AATK: variants seen among roughly 807,000 people sequenced by gnomAD.
AATK encodes lemur tail kinase 1.
In AATK, 91 loss-of-function variants were observed where a neutral mutation model predicts 114.3. The observed-to-expected ratio is 0.80, with a 90% CI of 0.67 to 0.95. The LOEUF is 0.95. AATK is among the 40% of genes least tolerant of loss of function. The probability of loss-of-function intolerance (pLI) is 0.00; values close to 1 mark genes in which losing one functional copy is unlikely to be tolerated. For synonymous variants in AATK, 1,075 were observed against 916.5 expected (o/e 1.17, Z -3.12); for missense variants, 2,176 against 1,965.2 (o/e 1.11, Z -2.03).
intron 1 of AATK, among the ~76,000 whole-genome samples, chr17:81,161,916 G>C (rs1436721996): frequency 6.6e-6 from 1 of 152,176 alleles, no homozygotes; most frequent in Non-Finnish European, 1.5e-5. Context: ...GCCAGCTCTG[G>C]GGCACTCGGG....
chr17:81,153,660 G>A (rs140678890), intron 1 of AATK, among the ~76,000 whole-genome samples: 2 of 152,246 alleles, frequency 1.3e-5, no homozygotes, highest in East Asian at 1.9e-4. Flanking sequence ...CCAAATCTGC[G>A]GTCTGTGTAT....
chr17:81,150,679 G>A (rs2061283620), intron 1 of AATK, among the ~76,000 whole-genome samples: 2 of 152,160 alleles, frequency 1.3e-5, no homozygotes, highest in Admixed American at 6.5e-5. Context: ...GCACTGCCAC[G>A]TGGAAAGGTG....
At chr17:81,146,218 G>A (rs1227412185) in intron 1 of AATK, among the ~76,000 whole-genome samples, 1 of 151,022 alleles carries the variant, frequency 6.6e-6, no homozygotes, top group East Asian at 2.0e-4. Context: ...AAAATTAGCT[G>A]GGCGTGGTGA....
intron 1 of AATK, among the ~76,000 whole-genome samples, chr17:81,140,677 A>ATGGGGCCG (rs1391191546): frequency 2.8e-5 from 3 of 107,992 alleles, no homozygotes; most frequent in East Asian, 2.7e-4. Flanking sequence ...CGTGGGGACC[A>ATGGGGCCG]TGGGGCCGTG....
rs537059363 is a variant in AATK, at chr17:81,119,726, G to A, written c.3884-146C>T. On this transcript the variant is annotated intron_variant, in intron 12 of 13. Transcript: ENST00000326724. ...CCATGATGTCACGGGCCCAGGCCCC[G>A]CCTCCCATGCAGCACGGACAAGGCC... 36 of 1,042,272 alleles carry A rather than the reference G, an allele frequency of 3.5e-5. No individual in the cohort carries two copies. The South Asian group carries it at 5.7e-4, about 16-fold the overall frequency. The allele number at this position is 1,042,272 out of a possible 1,614,324, so 64.6% of individuals were successfully genotyped here. A position where few individuals can be genotyped will look rare whatever the true frequency, so the allele number is the denominator to read the frequency against.
At chr17:81,138,124 C>T (rs1261237131) in intron 1 of AATK, among the ~76,000 whole-genome samples, 1 of 150,020 alleles carries the variant, frequency 6.7e-6, no homozygotes, top group Non-Finnish European at 1.5e-5. Flanking sequence ...ACAGACATAC[C>T]CCACACACAC....
intron 1 of AATK, among the ~76,000 whole-genome samples, chr17:81,140,974 G>A (rs1217932076): frequency 2.0e-4 from 29 of 148,292 alleles, no homozygotes; most frequent in East Asian, 8.1e-4. Context: ...CCGTGGGGCC[G>A]TGGGGACTGT....
chr17:81,152,604 C>A (rs1448666890), intron 1 of AATK, among the ~76,000 whole-genome samples: 2 of 152,098 alleles, frequency 1.3e-5, no homozygotes, highest in African/African-American at 4.8e-5. Context: ...CAAACCACAA[C>A]AAAAGTCCTT....
chr17:81,141,411 A>G (rs1036872789), intron 1 of AATK, among the ~76,000 whole-genome samples: 2 of 152,216 alleles, frequency 1.3e-5, no homozygotes, highest in Non-Finnish European at 2.9e-5. Context: ...AGATTGAGCC[A>G]CTGCACTCCA....
intron 1 of AATK, among the ~76,000 whole-genome samples, chr17:81,148,706 A>G (rs374327763): frequency 2.0e-5 from 3 of 152,116 alleles, no homozygotes; most frequent in Non-Finnish European, 4.4e-5. Flanking sequence ...ACGGGCACAC[A>G]CTTGCACACA....
At chr17:81,142,111 A>G (rs1166445275) in intron 1 of AATK, among the ~76,000 whole-genome samples, 1 of 151,882 alleles carries the variant, frequency 6.6e-6, no homozygotes, top group African/African-American at 2.4e-5. Flanking sequence ...ACCTGCCACC[A>G]TCACCCTCGG....
Position 81,119,229 on chromosome 17 carries a change from T to TGGGGCCGGGAGGGAGC in AATK, c.4084+150_4084+151insGCTCCCTCCCGGCCCC. 4.9e-6 allele frequency: 4 copies of TGGGGCCGGGAGGGAGC among 815,678 alleles called. 1 individual carries two copies. The allele number at this position is 815,678 out of a possible 1,614,324, so 50.5% of individuals were successfully genotyped here. On this transcript the variant is annotated intron_variant, in intron 13 of 13. Coordinates refer to ENST00000326724, the MANE Select transcript of AATK (RefSeq NM_001080395.3). ...GGCCAGGCGGGGTCCAGGCTAGGTCTGGGGCCGGGAAGGAGCGGGGCCGGG... is the reference window on the plus strand; with the variant it reads ...GGCCAGGCGGGGTCCAGGCTAGGTCTGGGGCCGGGAGGGAGCGGGGCCGGGAAGGAGCGGGGCCGGG...
At chr17:81,149,066 C>T (rs144814766) in intron 1 of AATK, among the ~76,000 whole-genome samples, 4 of 152,288 alleles carry the variant, frequency 2.6e-5, no homozygotes, top group Non-Finnish European at 5.9e-5. Flanking sequence ...GGGTTGAATG[C>T]GTCCCATGAC....
At position 81,119,428 on chromosome 17, in the gene AATK, G is replaced by GGGACGT. The variant is rs751123579; in HGVS notation, c.4030_4035dup (p.Thr1344_Ser1345dup). 200 of 1,531,362 alleles carry GGGACGT rather than the reference G, an allele frequency of 1.3e-4. 1 individual carries two copies. The highest frequency in any genetic ancestry group is 1.6e-4 in the Non-Finnish European group (185 of 1,146,244). The allele number at this position is 1,531,362 out of a possible 1,614,324, so 94.9% of individuals were successfully genotyped here. A position where few individuals can be genotyped will look rare whatever the true frequency, so the allele number is the denominator to read the frequency against. On this transcript the variant is annotated inframe_insertion, in exon 13 of 14. Transcript: ENST00000326724. ...TCAGACACGTGCGTGATGGAGAAGC[G>GGGACGT]GGACGTGGGCGCGGGCGACACCGTG...
intron 4 of AATK, 130 bp downstream of exon 4, chr17:81,128,340 G>A: frequency 8.4e-7 from 1 of 1,185,152 alleles, no homozygotes; most frequent in Non-Finnish European, 1.2e-6. Context: ...CTGGGGAAGG[G>A]TCCAGCAGGG....
Position 81,120,342 on chromosome 17 carries a change from C to A in AATK, c.3594G>T (p.Val1198=). 1.2e-6 allele frequency: 2 copies of A among 1,610,470 alleles called. No homozygotes were observed. Among genetic ancestry groups the A allele is most frequent in the Non-Finnish European group, 1.7e-6 (2 of 1,179,276 alleles). ...EEEAPAVPVV[V]AESQSARNLR... ...GGTTGCGCGCGCTCTGGCTCTCAGC[C>A]ACCACCACGGGCACCGCCGGCGCCT... The change falls in exon 11 of 14, where the codon GTG becomes GTT. Residue 1198 remains valine (V), a synonymous_variant. Coordinates refer to ENST00000326724, the MANE Select transcript of AATK (RefSeq NM_001080395.3).
At chr17:81,125,162 C>G in intron 7 of AATK, 148 bp from the exon 8 acceptor site, 2 of 739,626 alleles carry the variant, frequency 2.7e-6, no homozygotes, top group Non-Finnish European at 4.5e-6. Flanking sequence ...ACAGTCCAGG[C>G]TGGAAGGGGC....
chr17:81,143,011 C>A (rs1268064428), intron 1 of AATK, among the ~76,000 whole-genome samples: 1 of 152,260 alleles, frequency 6.6e-6, no homozygotes, highest in Non-Finnish European at 1.5e-5. Context: ...GAGCTCAAAA[C>A]ACAGGCGTGG....
At chr17:81,132,044 A>G in intron 2 of AATK, 1 of 1,302,532 alleles carries the variant, frequency 7.7e-7, no homozygotes, top group Non-Finnish European at 1.0e-6. Context: ...TTTGAAATGT[A>G]GAGGCTGCAC....
Sources: allele counts gnomAD v4.1 joint callset (sites outside exome capture counted in the v4.1 genomes callset), GRCh38; gene constraint gnomAD v4.1.1; transcripts MANE v1.5; gene names NCBI Gene and HGNC (gene_info 2026-07-23, HGNC 2026-07-21).